LYST: variants seen among roughly 807,000 people sequenced by gnomAD.
The protein encoded by LYST is lysosomal-trafficking regulator.
LYST carries 192 observed loss-of-function variants against 413.6 expected under a neutral mutation model. That is an observed-to-expected ratio of 0.46 (90% CI 0.41 to 0.52). The LOEUF (loss-of-function observed/expected upper bound fraction) is 0.52, where lower values mean the gene tolerates loss of function less well. LYST is among the 20% of genes least tolerant of loss of function. The pLI is 0.00. For missense variants in LYST, 3,815 were observed against 4,499.9 expected, an observed-to-expected ratio of 0.85 and a Z score of 4.35; for synonymous variants, 1,525 against 1,567.3, an observed-to-expected ratio of 0.97 and a Z score of 0.64.
intron 2 of LYST, among the ~76,000 whole-genome samples, chr1:235,830,767 G>C (rs1420472367): frequency 6.6e-6 from 1 of 151,968 alleles, no homozygotes; most frequent in Non-Finnish European, 1.5e-5. Flanking sequence ...AAATGTTCTT[G>C]CTTTATATAT....
intron 21 of LYST, among the ~76,000 whole-genome samples, chr1:235,765,141 A>T (rs1440237275): frequency 6.6e-6 from 1 of 152,108 alleles, no homozygotes; most frequent in African/African-American, 2.4e-5. Flanking sequence ...TGTAACCCTC[A>T]TTCCCAATTG....
chr1:235,825,302 G>A (rs1675207372), intron 3 of LYST, among the ~76,000 whole-genome samples: 1 of 152,262 alleles, frequency 6.6e-6, no homozygotes, highest in Middle Eastern at 3.4e-3. Flanking sequence ...TAAACCAGGA[G>A]GTCCACTTTC....
chr1:235,723,427 G>C (rs946012081), intron 39 of LYST, among the ~76,000 whole-genome samples: 1 of 152,120 alleles, frequency 6.6e-6, no homozygotes, highest in African/African-American at 2.4e-5. Flanking sequence ...ACACACCAAG[G>C]AGGCGTCTGC....
chr1:235,796,396 A>AT (rs1486604535), intron 10 of LYST, among the ~76,000 whole-genome samples: 2 of 152,224 alleles, frequency 1.3e-5, no homozygotes, highest in Admixed American at 6.5e-5. Flanking sequence ...TCTAGAATAC[A>AT]TAAAAAAAAC....
At chr1:235,867,219 G>T (rs1680665861), upstream of LYST, among the ~76,000 whole-genome samples, 1 of 152,256 alleles carries the variant, frequency 6.6e-6, no homozygotes, top group South Asian at 2.1e-4. Flanking sequence ...TCCTCCCAGG[G>T]CTCTGCGTAG....
chr1:235,835,084 A>C (rs1490076903), intron 1 of LYST, among the ~76,000 whole-genome samples: 1 of 124,184 alleles, frequency 8.1e-6, no homozygotes, highest in Non-Finnish European at 1.6e-5. Context: ...TGCCTGGCTA[A>C]TTTTTGTATT....
chr1:235,668,117 G>C (rs1358983427), intron 50 of LYST, among the ~76,000 whole-genome samples: 1 of 152,070 alleles, frequency 6.6e-6, no homozygotes, highest in African/African-American at 2.4e-5. Flanking sequence ...TTCCTCCCCA[G>C]ATATTTTCAA....
chr1:235,838,553 T>C (rs1362779994), intron 1 of LYST, among the ~76,000 whole-genome samples: 3 of 152,266 alleles, frequency 2.0e-5, no homozygotes, highest in Non-Finnish European at 2.9e-5. Flanking sequence ...CTAGAGTCTT[T>C]TGTGGAAGTA....
intron 1 of LYST, among the ~76,000 whole-genome samples, chr1:235,862,701 C>A (rs1333574650): frequency 6.6e-6 from 1 of 151,958 alleles, no homozygotes; most frequent in Non-Finnish European, 1.5e-5. Context: ...GAGGCTGAGG[C>A]AGGAGAATCG....
At chr1:235,672,281 A>G (rs755381098) in intron 50 of LYST, among the ~76,000 whole-genome samples, 110 of 152,318 alleles carry the variant, frequency 7.2e-4, no homozygotes, top group Non-Finnish European at 1.3e-3. Flanking sequence ...GGGAATAACC[A>G]TGACTTTGGA....
At chr1:235,785,659 C>T (rs998904250) in intron 14 of LYST, among the ~76,000 whole-genome samples, 16 of 152,144 alleles carry the variant, frequency 1.1e-4, no homozygotes, top group African/African-American at 3.9e-4. Context: ...CTCAGCTTGG[C>T]ATTCAAAGCC....
Position 235,757,409 on chromosome 1 carries a change from G to A in LYST, c.6931C>T (p.Leu2311=), listed in dbSNP as rs764843145. The change falls in exon 24 of 53, where the codon CTA becomes TTA. Residue 2311 remains leucine, a synonymous_variant. Coordinates refer to ENST00000389793, the MANE Select transcript of LYST (RefSeq NM_000081.4). The part of the protein sequence containing the change: ...VPICCGLYEL[L]SGVLLILPDV... ...GGCAGGATAAGAAGAACCCCACTTA[G>A]GAGTTCATATAATCCACAGCATATA... 2.4e-5 allele frequency: 38 copies of A among 1,613,362 alleles called. No individual in the cohort carries two copies. In the Middle Eastern group the frequency reaches 1.3e-3, roughly 56 times the overall value.
At chr1:235,786,267 A>G (rs991692147) in intron 14 of LYST, among the ~76,000 whole-genome samples, 2 of 152,098 alleles carry the variant, frequency 1.3e-5, no homozygotes, top group African/African-American at 4.8e-5. Flanking sequence ...GACCAATAGG[A>G]AAAAAAAGTC....
chr1:235,721,006 A>C, intron 39 of LYST, 101 bp from the exon 40 acceptor site: 1,488 of 1,198,564 alleles, frequency 1.2e-3, no homozygotes, highest in Non-Finnish European at 1.5e-3. Flanking sequence ...TACAAATCTC[A>C]TGTCCTCCAA....
intron 3 of LYST, among the ~76,000 whole-genome samples, chr1:235,822,452 G>A (rs534550978): frequency 1.4e-4 from 22 of 152,214 alleles, no homozygotes; most frequent in African/African-American, 4.3e-4. Flanking sequence ...GGGCATATGC[G>A]GAGCAGATAA....
At chr1:235,695,323 C>T (rs766950203) in intron 46 of LYST, among the ~76,000 whole-genome samples, 2 of 152,218 alleles carry the variant, frequency 1.3e-5, no homozygotes, top group Non-Finnish European at 2.9e-5. Context: ...GGCCACATAG[C>T]TAGTAAGCAG....
chr1:235,765,906 T>C (rs567047032), intron 21 of LYST, among the ~76,000 whole-genome samples, 173 bp downstream of exon 21: 7 of 152,136 alleles, frequency 4.6e-5, no homozygotes, highest in Middle Eastern at 3.2e-3. Flanking sequence ...TTTAGACTCC[T>C]TGAGGACAGA....
chr1:235,728,760 C>G (rs1219406513), intron 37 of LYST, among the ~76,000 whole-genome samples: 1 of 152,176 alleles, frequency 6.6e-6, no homozygotes, highest in African/African-American at 2.4e-5. Context: ...AGTGGCATGG[C>G]TAGCTCAGAG....
intron 1 of LYST, among the ~76,000 whole-genome samples, chr1:235,876,352 T>C (rs1446186567): frequency 3.3e-5 from 5 of 152,248 alleles, no homozygotes. Context: ...ATTTCTATTG[T>C]TATTTTCTTT....
Sources: allele counts gnomAD v4.1 joint callset (sites outside exome capture counted in the v4.1 genomes callset), GRCh38; gene constraint gnomAD v4.1.1; transcripts MANE v1.5; gene names NCBI Gene and HGNC (gene_info 2026-07-23, HGNC 2026-07-21).